LCN2: variants seen among roughly 807,000 people sequenced by gnomAD.
LCN2 encodes the protein neutrophil gelatinase-associated lipocalin.
A neutral mutation model predicts 26.4 loss-of-function variants in LCN2; 27 were observed. The ratio of observed to expected loss-of-function variants is 1.02; its 90% CI spans 0.76 to 1.41. The LOEUF is 1.41. Among genes scored for constraint, LCN2 ranks in the 40% most tolerant of loss-of-function variants. The probability of loss-of-function intolerance (pLI) is 0.00; values close to 1 mark genes in which losing one functional copy is unlikely to be tolerated. For synonymous variants in LCN2, 94 were observed against 98.9 expected (o/e 0.95, Z 0.30); for missense variants, 224 against 237.6 (o/e 0.94, Z 0.38).
At chr9:128,150,633 C>A (rs1249811399) in intron 2 of LCN2, 9 of 630,936 alleles carry the variant, frequency 1.4e-5, no homozygotes, top group South Asian at 1.4e-4. Context: ...GGAGGGGACA[C>A]TGGATCCAGC....
chr9:128,152,311 G>C lies in LCN2; in HGVS notation c.577+27G>C, dbSNP rs746509868. Reference sequence around the variant, plus strand: ...TAATGGCCAGTCTGGATGAGGGGACGGGGACATGGGGACTGTTCAGGCAGG... The same window carrying C: ...TAATGGCCAGTCTGGATGAGGGGACCGGGACATGGGGACTGTTCAGGCAGG... On this transcript the variant is annotated intron_variant, in intron 5 of 6. Coordinates refer to ENST00000277480, the MANE Select transcript of LCN2 (RefSeq NM_005564.5). The C allele has an allele frequency of 2.5e-6, 4 of 1,573,426 alleles. No individual in the cohort carries two copies. In the Admixed American group the frequency reaches 5.0e-5, roughly 20 times the overall value.
chr9:128,152,163 A>G lies in LCN2; in HGVS notation c.476-20A>G, dbSNP rs759447122. 1 of 1,613,226 alleles carries G rather than the reference A, an allele frequency of 6.2e-7. No individual in the cohort carries two copies. Among genetic ancestry groups the G allele is most frequent in the South Asian group, 1.1e-5 (1 of 91,062 alleles). ...TTTATGTGGTGTCTGCCAGCCACTC[A>G]CTGGCCATCTTGGTCACAGGGAGAA... On this transcript the variant is annotated intron_variant, in intron 4 of 6. Coordinates refer to ENST00000277480, the MANE Select transcript of LCN2 (RefSeq NM_005564.5).
At chr9:128,150,632 A>G in intron 2 of LCN2, 1 of 632,900 alleles carries the variant, frequency 1.6e-6, no homozygotes, top group Non-Finnish European at 2.9e-6. Flanking sequence ...AGGAGGGGAC[A>G]CTGGATCCAG....
At position 128,153,095 on chromosome 9, in the gene LCN2, A is replaced by G; in HGVS notation, c.578-5A>G. Reference sequence around the variant, plus strand: ...GCCTGTTCTGACGGACTTTCTCCCTAACAGACCAGTGTATCGACGGCTGAG... The same window carrying G: ...GCCTGTTCTGACGGACTTTCTCCCTGACAGACCAGTGTATCGACGGCTGAG... On this transcript the variant is annotated splice_polypyrimidine_tract_variant and splice_region_variant and intron_variant, in intron 5 of 6. Coordinates refer to ENST00000277480, the MANE Select transcript of LCN2 (RefSeq NM_005564.5). The surrounding 1 kb of genome is among the most constrained non-coding windows in gnomAD (Gnocchi z 5.4). 1 of 1,614,020 alleles carries G rather than the reference A, an allele frequency of 6.2e-7. No individual in the cohort carries two copies. The highest frequency in any genetic ancestry group is 8.5e-7 in the Non-Finnish European group (1 of 1,179,970).
In LCN2 at chr9:128,149,770, G is replaced by T. The variant is rs1834987351; in HGVS notation, c.138+107G>T. On this transcript the variant is annotated intron_variant, in intron 1 of 6. Transcript: ENST00000277480. ...AAGAGCGTTGGGCAGGACTCTAGGA[G>T]TCCAGGGTCCAGGTTTCAGCTCACT... 5.9e-6 allele frequency: 8 copies of T among 1,360,588 alleles called. No homozygotes were observed. The Admixed American group carries it at 8.4e-5, about 14-fold the overall frequency. The allele number at this position is 1,360,588 out of a possible 1,614,324, so 84.3% of individuals were successfully genotyped here.
At chr9:128,152,349 C>A in intron 5 of LCN2, 65 bp downstream of exon 5, 1 of 1,371,174 alleles carries the variant, frequency 7.3e-7, no homozygotes, top group Non-Finnish European at 1.0e-6. Flanking sequence ...GCTTCCCTAC[C>A]AGGGATCAGG....
At position 128,153,436 on chromosome 9, in the gene LCN2, T is replaced by C; in HGVS notation, c.*133T>C. 2.0e-6 allele frequency: 1 copy of C among 502,944 alleles called. No homozygotes were observed. The highest frequency in any genetic ancestry group is 3.7e-6 in the Non-Finnish European group (1 of 273,430). The allele number at this position is 502,944 out of a possible 1,614,324, so 31.2% of individuals were successfully genotyped here. On this transcript the variant is annotated 3_prime_UTR_variant, in exon 7 of 7. Transcript: ENST00000277480. The surrounding 1 kb of genome is among the most constrained non-coding windows in gnomAD (Gnocchi z 5.4). ...ATGGAGCCCCACCTTGTCTGCTAAA[T>C]AAACATGTGCCCTCAGGCCTCTGAG...
At chr9:128,150,685 G>A in intron 2 of LCN2, 1 of 550,330 alleles carries the variant, frequency 1.8e-6, no homozygotes, top group Non-Finnish European at 3.5e-6. Flanking sequence ...CTTCCAGGGA[G>A]GTGGCCTTAA....
chr9:128,151,254 G>A (rs951325841), intron 2 of LCN2, among the ~76,000 whole-genome samples: 1 of 152,032 alleles, frequency 6.6e-6, no homozygotes, highest in Non-Finnish European at 1.5e-5. Context: ...TGGATCCCCG[G>A]GAGAGGGTAT....
At chr9:128,152,521 G>C (rs369682735) in intron 5 of LCN2, among the ~76,000 whole-genome samples, 2 of 152,162 alleles carry the variant, frequency 1.3e-5, no homozygotes, top group African/African-American at 4.8e-5. Context: ...AGTTTAGCCC[G>C]GGTCTGCCCA....
Position 128,152,249 on chromosome 9 carries a change from TC to T in LCN2, c.545del (p.Pro182LeufsTer?). On this transcript the variant is annotated frameshift_variant, in exon 5 of 7. Coordinates refer to ENST00000277480, the MANE Select transcript of LCN2 (RefSeq NM_005564.5). LOFTEE classifies it high-confidence loss of function. ...NFIRFSKSLG[L>X]PENHIVFPVP... is the part of the protein sequence containing the mutation. ...ATCCGCTTCTCCAAATCTCTGGGCC[TC>T]CCTGAAAACCACATCGTCTTCCCTG... 1 of 1,614,060 alleles carries T rather than the reference TC, an allele frequency of 6.2e-7. No individual in the cohort carries two copies.
In LCN2 at chr9:128,153,172, G is replaced by A. The variant is rs1249370190; in HGVS notation, c.*7+46G>A. 4 of 1,612,308 alleles carry A rather than the reference G, an allele frequency of 2.5e-6. No individual in the cohort carries two copies. Among genetic ancestry groups the A allele is most frequent in the African/African-American group, 2.7e-5 (2 of 74,868 alleles). ...GCGAGGGGGCTTGTGGGAGGCCAGG[G>A]TGCAGTGGGCTGGGGGTCTTGGGCC... On this transcript the variant is annotated intron_variant, in intron 6 of 6. Transcript: ENST00000277480. The surrounding 1 kb of genome is among the most constrained non-coding windows in gnomAD (Gnocchi z 5.4).
chr9:128,151,551 G>A lies in LCN2; in HGVS notation c.276-87G>A, dbSNP rs202230992. 569 of 1,051,612 alleles carry A rather than the reference G, an allele frequency of 5.4e-4. 4 individuals are homozygous for A. The highest frequency in any genetic ancestry group is 1.7e-4 in the Admixed American group (10 of 57,544). 65.1% of individuals were successfully genotyped at this position (1,051,612 alleles called of 1,614,324 possible). ...GCCGGACTGAGAGCAACAGAACCCT[G>A]CTGCTGCCCTGGCCCCACCTTGTCC... On this transcript the variant is annotated intron_variant, in intron 2 of 6. Transcript: ENST00000277480.
Position 128,151,903 on chromosome 9 carries a change from C to A in LCN2, c.356-3C>A, listed in dbSNP as rs116745581. 1.4e-3 allele frequency: 2,230 copies of A among 1,614,040 alleles called. 31 individuals are homozygous for A. In the African/African-American group the frequency reaches 0.026, roughly 19 times the overall value. ...GCTGACCCCTCACCGTCCACGCCTG[C>A]AGGTTACCCTGGATTAACGAGTTAC... On this transcript the variant is annotated splice_polypyrimidine_tract_variant and splice_region_variant and intron_variant, in intron 3 of 6. Transcript: ENST00000277480.
At chr9:128,149,811 C>T in intron 1 of LCN2, 148 bp downstream of exon 1, 1 of 923,458 alleles carries the variant, frequency 1.1e-6, no homozygotes, top group Non-Finnish European at 1.6e-6. Flanking sequence ...CCACCAGGGT[C>T]CCCTGGTGGA....
At position 128,151,689 on chromosome 9, in the gene LCN2, C is replaced by T. The variant is rs767897190; in HGVS notation, c.327C>T (p.Pro109=). 3.3e-5 allele frequency: 54 copies of T among 1,613,932 alleles called. No individual in the cohort carries two copies. Among genetic ancestry groups the T allele is most frequent in the Non-Finnish European group, 3.8e-5 (45 of 1,179,948 alleles). ...GGACTTTTGTTCCAGGTTGCCAGCC[C>T]GGCGAGTTCACGCTGGGCAACATTA... is the stretch of plus-strand genomic sequence containing the variant. The part of the protein sequence containing the change: ...WIRTFVPGCQ[P]GEFTLGNIKS... Residue 109 remains proline (P), a synonymous_variant, in exon 3 of 7, where the codon CCC becomes CCT. Transcript: ENST00000277480.
At position 128,153,082 on chromosome 9, in the gene LCN2, G is replaced by C. The variant is rs573810352; in HGVS notation, c.578-18G>C. 1 of 1,613,998 alleles carries C rather than the reference G, an allele frequency of 6.2e-7. No homozygotes were observed. Among genetic ancestry groups the C allele is most frequent in the Non-Finnish European group, 8.5e-7 (1 of 1,179,976 alleles). On this transcript the variant is annotated intron_variant, in intron 5 of 6. Transcript: ENST00000277480. This position sits in a 1 kb window ranked among gnomAD's most constrained non-coding sequence, Gnocchi z 5.4. The stretch of plus-strand genomic sequence containing the variant: ...CACACACACAGCTGCCTGTTCTGAC[G>C]GACTTTCTCCCTAACAGACCAGTGT...
At chr9:128,152,989 G>GGGCTGA (rs1829154991) in intron 5 of LCN2, 111 bp from the exon 6 acceptor site, 3 of 1,507,742 alleles carry the variant, frequency 2.0e-6, no homozygotes, top group Non-Finnish European at 2.8e-6. Context: ...GGTGGGGCAG[G>GGGCTGA]GGCTGCCCAG....
chr9:128,150,476 C>A lies in LCN2; in HGVS notation c.275+102C>A, dbSNP rs749047978. The A allele has an allele frequency of 5.5e-6, 8 of 1,447,908 alleles. No homozygotes were observed. The Admixed American group carries it at 6.7e-5, about 12-fold the overall frequency. The allele number at this position is 1,447,908 out of a possible 1,614,324, so 89.7% of individuals were successfully genotyped here. A position where few individuals can be genotyped will look rare whatever the true frequency, so the allele number is the denominator to read the frequency against. The stretch of plus-strand genomic sequence containing the variant: ...CTGTCGTTCACCTCGCTGTTCTGCC[C>A]GGAATTCATCTGTGTTCATCCTTCC... On this transcript the variant is annotated intron_variant, in intron 2 of 6. Transcript: ENST00000277480.
Sources: gnomAD v4.1 joint callset for allele counts (sites outside exome capture counted in the v4.1 genomes callset) on GRCh38, gnomAD v4.1.1 for gene constraint, Gnocchi (gnomAD v3.1) non-coding constraint, MANE v1.5 for transcripts, NCBI Gene and HGNC (gene_info 2026-07-23, HGNC 2026-07-21) for gene names.